The following AFF3 variants were observed in gnomAD, a reference collection of about 807,000 sequenced individuals.
AFF3 encodes AF4/FMR2 family member 3.
AFF3 carries 32 observed loss-of-function variants against 129.7 expected under a neutral mutation model. The ratio of observed to expected loss-of-function variants is 0.25; its 90% confidence interval spans 0.19 to 0.33. AFF3 has a LOEUF of 0.33. Among genes scored for constraint, AFF3 ranks in the 10% least tolerant of loss-of-function variants. The pLI, the probability that AFF3 is intolerant of heterozygous loss-of-function variation, is 1.00. For missense variants in AFF3, 1,373 were observed against 1,592.0 expected (o/e 0.86, Z 2.34); for synonymous variants, 644 against 635.4 (o/e 1.01, Z -0.20).
chr2:99,738,716 G>A (rs913928038), intron 10 of AFF3, among the ~76,000 whole-genome samples: 1 of 152,106 alleles, frequency 6.6e-6, no homozygotes, highest in African/African-American at 2.4e-5. Flanking sequence ...GGGAAGAGCT[G>A]ATTTATGGCT....
intron 14 of AFF3, among the ~76,000 whole-genome samples, chr2:99,598,229 TTTTTA>T (rs562319176): frequency 1.5e-4 from 23 of 152,198 alleles, no homozygotes; most frequent in African/African-American, 4.6e-4. Flanking sequence ...TATCCAGGCT[TTTTTA>T]TTTTATTTTT....
chr2:100,064,992 T>C (rs1687600820), intron 4 of AFF3, among the ~76,000 whole-genome samples: 1 of 152,242 alleles, frequency 6.6e-6, no homozygotes. Flanking sequence ...GCACTATGCA[T>C]TTACCATAAA....
rs1674388802 is a variant in AFF3, at chr2:99,551,302, T to C, written c.*172A>G. The C allele has an allele frequency of 2.2e-6, 2 of 900,162 alleles. No individual in the cohort carries two copies. Among genetic ancestry groups the C allele is most frequent in the Non-Finnish European group, 3.3e-6 (2 of 608,814 alleles). The allele number at this position is 900,162 out of a possible 1,614,324, so 55.8% of individuals were successfully genotyped here. A position where few individuals can be genotyped will look rare whatever the true frequency, so the allele number is the denominator to read the frequency against. The stretch of plus-strand genomic sequence containing the variant: ...ACACACATACACAGGCGGCTTCTTA[T>C]ATACCCACACATACAAACACACATG... On this transcript the variant is annotated 3_prime_UTR_variant, in exon 25 of 25. Transcript: ENST00000672756.
At chr2:99,838,235 G>C (rs1434988886) in intron 7 of AFF3, among the ~76,000 whole-genome samples, 1 of 152,126 alleles carries the variant, frequency 6.6e-6, no homozygotes, top group East Asian at 1.9e-4. Context: ...GCAGGATGTG[G>C]GTTTGTGGGG....
At chr2:99,682,005 A>C (rs1674578747) in intron 11 of AFF3, among the ~76,000 whole-genome samples, 1 of 150,448 alleles carries the variant, frequency 6.6e-6, no homozygotes. Flanking sequence ...TCCCGGGTTC[A>C]AGCAATGCTC....
Position 100,006,969 on chromosome 2 carries a change from T to G in AFF3, c.536A>C (p.Gln179Pro). 6.2e-7 allele frequency: 1 copy of G among 1,613,856 alleles called. No individual in the cohort carries two copies. Among genetic ancestry groups the G allele is most frequent in the Non-Finnish European group, 8.5e-7 (1 of 1,179,826 alleles). Residue 179 changes from glutamine (Q) to proline (P), a missense_variant, in exon 7 of 25, where the codon CAG (glutamine) becomes CCG (proline). Physicochemically the swap from Gln to Pro is moderately conservative, Grantham distance 76. Coordinates refer to ENST00000672756, the MANE Select transcript of AFF3 (RefSeq NM_001386135.1). Reference sequence around the variant, plus strand: ...GCACACTTGTTTGGCCCGAGGCTGCTGTCTGCCAACACCATCTCCAAGCAA... The same window carrying G: ...GCACACTTGTTTGGCCCGAGGCTGCGGTCTGCCAACACCATCTCCAAGCAA... ...RTLLGDGVGR[Q>P]QPRAKQVCNV...
chr2:100,079,595 A>C (rs1688877531), intron 4 of AFF3, among the ~76,000 whole-genome samples: 3 of 152,192 alleles, frequency 2.0e-5, no homozygotes, highest in Admixed American at 2.0e-4. Context: ...TCTAGAATAC[A>C]TTTCCTAGGA....
Position 99,596,130 on chromosome 2 carries a change from C to T in AFF3, c.1372-1841G>A, listed in dbSNP as rs183343184. On this transcript the variant is annotated intron_variant, in intron 14 of 24. Transcript: ENST00000672756. The stretch of plus-strand genomic sequence containing the variant: ...CTTTGCTTGTTTTCATGGCCACCAA[C>T]GGAACCGGGGCACCAGAGAAATATG... Among the ~76,000 whole-genome samples the T allele has an allele frequency of 2.4e-4, 36 of 152,340 alleles. 1 individual carries two copies. The highest frequency in any genetic ancestry group is 9.6e-4 in the East Asian group (5 of 5,188).
At chr2:99,894,218 A>C (rs1434270022) in intron 7 of AFF3, among the ~76,000 whole-genome samples, 1 of 152,048 alleles carries the variant, frequency 6.6e-6, no homozygotes, top group Non-Finnish European at 1.5e-5. Context: ...TTTTTGAAAA[A>C]AAAAAAAGGA....
At chr2:100,032,014 GAGA>G (rs1210022884) in intron 4 of AFF3, among the ~76,000 whole-genome samples, 2 of 152,238 alleles carry the variant, frequency 1.3e-5, no homozygotes, top group Admixed American at 1.3e-4. Flanking sequence ...AAGCAACACA[GAGA>G]AGAATACCTA....
chr2:100,122,009 C>G (rs1465364455), intron 2 of AFF3, among the ~76,000 whole-genome samples: 2 of 152,256 alleles, frequency 1.3e-5, no homozygotes, highest in South Asian at 2.1e-4. Context: ...TTGCAGTGAG[C>G]CGAGATTGCG....
intron 7 of AFF3, among the ~76,000 whole-genome samples, chr2:99,963,185 T>C (rs1677402101): frequency 6.6e-6 from 1 of 152,092 alleles, no homozygotes; most frequent in South Asian, 2.1e-4. Flanking sequence ...GAATTCTATA[T>C]TTGGTAACAA....
intron 7 of AFF3, among the ~76,000 whole-genome samples, chr2:99,897,461 C>T (rs1694058425): frequency 6.6e-6 from 1 of 152,156 alleles, no homozygotes; most frequent in South Asian, 2.1e-4. Flanking sequence ...CAAAATGTCT[C>T]TTTGGCCAGG....
chr2:99,769,171 A>C (rs1683262870), intron 8 of AFF3, among the ~76,000 whole-genome samples: 1 of 152,008 alleles, frequency 6.6e-6, no homozygotes, highest in Admixed American at 6.6e-5. Context: ...CCTGTGCCTC[A>C]CTGTTTTTTA....
chr2:100,068,855 C>T (rs1258264901), intron 4 of AFF3, among the ~76,000 whole-genome samples: 1 of 152,196 alleles, frequency 6.6e-6, no homozygotes, highest in East Asian at 1.9e-4. Flanking sequence ...ATGACAGTCA[C>T]TTCCAGACTA....
chr2:99,900,871 G>C (rs1694296285), intron 7 of AFF3, among the ~76,000 whole-genome samples: 2 of 152,186 alleles, frequency 1.3e-5, no homozygotes, highest in South Asian at 4.2e-4. Context: ...AAATAGGTCT[G>C]GCTCAATTCC....
intron 9 of AFF3, among the ~76,000 whole-genome samples, chr2:99,746,030 T>C (rs1451977094): frequency 6.6e-6 from 1 of 152,158 alleles, no homozygotes; most frequent in Non-Finnish European, 1.5e-5. Context: ...CAATGTACAC[T>C]ACTCAGGTGA....
chr2:99,814,444 G>A (rs148441084), intron 8 of AFF3, among the ~76,000 whole-genome samples: 2 of 152,296 alleles, frequency 1.3e-5, no homozygotes, highest in Admixed American at 6.5e-5. Context: ...GTTGGAGCAC[G>A]CATAGGGAAG....
At chr2:100,016,887 A>G (rs899865248) in intron 4 of AFF3, among the ~76,000 whole-genome samples, 7 of 148,864 alleles carry the variant, frequency 4.7e-5, no homozygotes, top group African/African-American at 1.2e-4. Context: ...ACTGATGGTG[A>G]TGGTGGTGGT....
Sources: allele counts gnomAD v4.1 joint callset (sites outside exome capture counted in the v4.1 genomes callset), GRCh38; gene constraint gnomAD v4.1.1; transcripts MANE v1.5; gene names NCBI Gene and HGNC (gene_info 2026-07-23, HGNC 2026-07-21).